The following PDIA5 variants were observed in gnomAD, a reference collection of about 807,000 sequenced individuals.
PDIA5 encodes the protein protein disulfide isomerase family A member 5, also known as protein disulfide-isomerase A5.
Under a neutral mutation model 77.6 loss-of-function variants are expected in PDIA5, and 58 were observed. The observed-to-expected ratio is 0.75, with a 90% confidence interval of 0.61 to 0.93. The LOEUF (loss-of-function observed/expected upper bound fraction) is 0.93, where lower values mean the gene tolerates loss of function less well. Among genes scored for constraint, PDIA5 ranks in the 40% least tolerant of loss-of-function variants. PDIA5 has a pLI of 0.00. For missense variants in PDIA5, 630 were observed against 647.7 expected (o/e 0.97, Z 0.30); for synonymous variants, 250 against 252.1 (o/e 0.99, Z 0.08).
intron 8 of PDIA5, among the ~76,000 whole-genome samples, chr3:123,118,190 T>C (rs1935036677): frequency 6.6e-6 from 1 of 152,224 alleles, no homozygotes; most frequent in Admixed American, 6.5e-5. Flanking sequence ...GAGGTCCTGC[T>C]TGCTTCTCAC....
intron 14 of PDIA5, among the ~76,000 whole-genome samples, chr3:123,154,331 T>A (rs1935973424): frequency 6.6e-6 from 1 of 152,150 alleles, no homozygotes; most frequent in Non-Finnish European, 1.5e-5. Context: ...CTCCTCTCCC[T>A]CTTACCCTGA....
intron 1 of PDIA5, among the ~76,000 whole-genome samples, chr3:123,079,719 T>C (rs1038784818): frequency 6.6e-6 from 1 of 152,186 alleles, no homozygotes; most frequent in Non-Finnish European, 1.5e-5. Flanking sequence ...ATAAATACTT[T>C]AGAGATACAT....
Position 123,161,340 on chromosome 3 carries a change from A to T in PDIA5, c.1364A>T (p.Asp455Val), listed in dbSNP as rs1436926412. Residue 455 changes from aspartate to valine, a missense_variant, in exon 16 of 17, where the codon GAC (aspartate) becomes GTC (valine). By Grantham distance (152) the Asp-to-Val change is radical (BLOSUM62 -3). Transcript: ENST00000316218. ...TCCTAGATTGCCTGTGCCGCTGTTG[A>T]CTGTGTCAAAGACAAGAACCAAGAC... ...DDRKIACAAV[D>V]CVKDKNQDLC... The T allele has an allele frequency of 6.2e-7, 1 of 1,614,112 alleles. No homozygotes were observed. Among genetic ancestry groups the T allele is most frequent in the East Asian group, 2.2e-5 (1 of 44,866 alleles).
chr3:123,157,005 T>A (rs1936036092), intron 15 of PDIA5, among the ~76,000 whole-genome samples: 1 of 152,174 alleles, frequency 6.6e-6, no homozygotes, highest in Admixed American at 6.5e-5. Context: ...TCCTTGATGC[T>A]CCCCTCCGCT....
intron 2 of PDIA5, among the ~76,000 whole-genome samples, chr3:123,091,177 G>T (rs1048310901): frequency 6.6e-6 from 1 of 152,164 alleles, no homozygotes; most frequent in Non-Finnish European, 1.5e-5. Context: ...TTTCCTGGGA[G>T]TGCCTTCTCC....
chr3:123,129,022 T>G (rs1225783025), intron 10 of PDIA5, among the ~76,000 whole-genome samples: 1 of 152,110 alleles, frequency 6.6e-6, no homozygotes, highest in East Asian at 1.9e-4. Flanking sequence ...CTCGTGTAGA[T>G]GGACAGCAGT....
Position 123,150,349 on chromosome 3 carries a change from A to C in PDIA5, c.1258A>C (p.Met420Leu). 6.2e-7 allele frequency: 1 copy of C among 1,613,834 alleles called. No homozygotes were observed. The change falls in exon 14 of 17, where the codon ATG becomes CTG. Residue 420 changes from methionine (M) to leucine (L), a missense_variant. Transcript: ENST00000316218. The part of the protein sequence containing the change: ...TLKKKKHTLV[M>L]FYAPWCPHCK... ...GAAGAAGAAGAAACACACCTTGGTC[A>C]TGTTCTACGCCCCTTGTAAGTAGCT...
intron 4 of PDIA5, 76 bp downstream of exon 4, chr3:123,102,570 T>G: frequency 1.7e-6 from 2 of 1,178,332 alleles, no homozygotes; most frequent in Non-Finnish European, 2.5e-6. Context: ...GAACAGCAAT[T>G]TTTAGTTAGA....
At chr3:123,070,977 T>A (rs1329515391) in intron 1 of PDIA5, among the ~76,000 whole-genome samples, 1 of 152,118 alleles carries the variant, frequency 6.6e-6, no homozygotes, top group Non-Finnish European at 1.5e-5. Flanking sequence ...ATGTTTTCAG[T>A]TTAAAAAGTT....
chr3:123,075,108 A>G (rs1023945597), intron 1 of PDIA5, among the ~76,000 whole-genome samples: 9 of 152,354 alleles, frequency 5.9e-5, no homozygotes, highest in African/African-American at 1.7e-4. Context: ...TATCAGGATT[A>G]TATCCTCTTT....
At chr3:123,119,654 GT>G (rs1360659808) in intron 8 of PDIA5, among the ~76,000 whole-genome samples, 2 of 152,190 alleles carry the variant, frequency 1.3e-5, no homozygotes, top group Non-Finnish European at 2.9e-5. Flanking sequence ...GGCTGGAGGG[GT>G]TGAGTGACCA....
intron 3 of PDIA5, among the ~76,000 whole-genome samples, chr3:123,095,604 C>A (rs139530079): frequency 6.6e-6 from 1 of 152,064 alleles, no homozygotes; most frequent in Non-Finnish European, 1.5e-5. Flanking sequence ...ACAAAATTAG[C>A]TGAGTGTGGT....
chr3:123,116,332 T>A, intron 8 of PDIA5, 34 bp downstream of exon 8: 1 of 1,571,026 alleles, frequency 6.4e-7, no homozygotes, highest in Non-Finnish European at 8.7e-7. Context: ...CAGGGCTGGG[T>A]CACTCTTGGA....
intron 1 of PDIA5, among the ~76,000 whole-genome samples, chr3:123,084,163 A>G (rs12495141): frequency 0.13 from 20,213 of 152,058 alleles, 1,571 homozygotes; most frequent in Non-Finnish European, 0.18. Context: ...TCCTGTGCCC[A>G]CTAACGCCCG....
At position 123,119,292 on chromosome 3, in the gene PDIA5, A is replaced by T. The variant is rs1935055640; in HGVS notation, c.609+2994A>T. ...ATTCCAGCTTCTTCTGCCTGGGCCC[A>T]GGTCTAGAAATATAAAAGTTACCCA... On this transcript the variant is annotated intron_variant, in intron 8 of 16. Coordinates refer to ENST00000316218, the MANE Select transcript of PDIA5 (RefSeq NM_006810.4). Among the ~76,000 whole-genome samples the T allele has an allele frequency of 2.0e-5, 3 of 152,238 alleles. No homozygotes were observed. In the East Asian group the frequency reaches 5.8e-4, roughly 29 times the overall value.
intron 10 of PDIA5, among the ~76,000 whole-genome samples, chr3:123,129,350 C>T (rs1053284052): frequency 6.6e-6 from 1 of 152,172 alleles, no homozygotes; most frequent in Non-Finnish European, 1.5e-5. Flanking sequence ...ACCTGGGAGG[C>T]CATGGTGGCC....
At chr3:123,088,375 A>G (rs1560503109) in intron 1 of PDIA5, among the ~76,000 whole-genome samples, 1 of 152,064 alleles carries the variant, frequency 6.6e-6, no homozygotes, top group South Asian at 2.1e-4. Flanking sequence ...TGACCTCCTG[A>G]GATCACTTGG....
In PDIA5 at chr3:123,075,061, G is replaced by GGACAT. The variant is rs201099969; in HGVS notation, c.42+7856_42+7860dup. Among the ~76,000 whole-genome samples the GGACAT allele has an allele frequency of 5.3e-3, 811 of 152,284 alleles. 3 individuals carry two copies. Among genetic ancestry groups the GGACAT allele is most frequent in the Non-Finnish European group, 8.9e-3 (607 of 68,030 alleles). On this transcript the variant is annotated intron_variant, in intron 1 of 16. Transcript: ENST00000316218. The stretch of plus-strand genomic sequence containing the variant: ...GAAGCACAAAGATTATTGCCCTGAA[G>GGACAT]GACATTAACCTGTTGGTATCTAATG...
intron 15 of PDIA5, among the ~76,000 whole-genome samples, chr3:123,160,085 G>A (rs377432422): frequency 1.2e-4 from 18 of 152,242 alleles, no homozygotes; most frequent in African/African-American, 2.7e-4. Context: ...GCAGACGCTT[G>A]ATAACTGGAC....
Sources: gnomAD v4.1 joint callset for allele counts (sites outside exome capture counted in the v4.1 genomes callset) on GRCh38, gnomAD v4.1.1 for gene constraint, MANE v1.5 for transcripts, NCBI Gene and HGNC (gene_info 2026-07-23, HGNC 2026-07-21) for gene names.